Variants in PXDN observed in about 807,000 individuals in gnomAD.
The protein encoded by PXDN is peroxidasin homolog.
PXDN carries 77 observed loss-of-function variants against 140.3 expected under a neutral mutation model. The ratio of observed to expected loss-of-function variants is 0.55; its 90% CI spans 0.46 to 0.66. PXDN has a LOEUF of 0.66. PXDN is among the 30% of genes least tolerant of loss of function. The pLI is 0.00. For synonymous variants in PXDN, 911 were observed against 857.4 expected, an observed-to-expected ratio of 1.06 and a Z score of -1.09; for missense variants, 1,838 against 2,039.5, an observed-to-expected ratio of 0.90 and a Z score of 1.90.
rs193128665 is a variant in PXDN at position 1,634,056 on chromosome 2, C to T, written c.*148G>A. 302 of 1,288,428 alleles carry T rather than the reference C, an allele frequency of 2.3e-4. 1 individual carries two copies. The African/African-American group carries it at 3.9e-3, about 17-fold the overall frequency. The allele number at this position is 1,288,428 out of a possible 1,614,324, so 79.8% of individuals were successfully genotyped here. On this transcript the variant is annotated 3_prime_UTR_variant, in exon 23 of 23. Transcript: ENST00000252804. ...ATGCTCTGGTTGGAAGCCTCCTGCA[C>T]TGCCTTCTGTAACAGCACCAGCTGG...
chr2:1,696,117 TA>T (rs1480212950), intron 1 of PXDN, among the ~76,000 whole-genome samples: 1 of 152,212 alleles, frequency 6.6e-6, no homozygotes, highest in Non-Finnish European at 1.5e-5. Flanking sequence ...AGAACATAAA[TA>T]TATCTTCGAT....
chr2:1,708,777 G>A (rs571853248), intron 1 of PXDN, among the ~76,000 whole-genome samples: 13 of 152,184 alleles, frequency 8.5e-5, no homozygotes, highest in Admixed American at 3.3e-4. Context: ...TTATGGTATC[G>A]ATTTGGATCA....
intron 1 of PXDN, among the ~76,000 whole-genome samples, chr2:1,708,575 CAG>C (rs1024590177): frequency 2.0e-5 from 3 of 152,246 alleles, no homozygotes; most frequent in African/African-American, 7.2e-5. Context: ...CCCACGATGG[CAG>C]AGGAAGGGGA....
At chr2:1,738,203 A>T (rs1685461495) in intron 1 of PXDN, among the ~76,000 whole-genome samples, 1 of 152,242 alleles carries the variant, frequency 6.6e-6, no homozygotes, top group South Asian at 2.1e-4. Context: ...GAACCCCAAA[A>T]GCATATGGAA....
intron 1 of PXDN, among the ~76,000 whole-genome samples, chr2:1,707,788 C>G (rs1184119470): frequency 6.6e-6 from 1 of 151,916 alleles, no homozygotes; most frequent in Non-Finnish European, 1.5e-5. Flanking sequence ...CCGAAAGCGA[C>G]GATCTGCAGA....
chr2:1,635,162 G>A (rs1682515672), intron 22 of PXDN, among the ~76,000 whole-genome samples: 1 of 150,132 alleles, frequency 6.7e-6, no homozygotes, highest in African/African-American at 2.4e-5. Context: ...CCTGCACAGA[G>A]TAGGGGCTGC....
Position 1,648,869 on chromosome 2 carries a change from A to G in PXDN, c.2911T>C (p.Phe971Leu). 6.2e-7 allele frequency: 1 copy of G among 1,602,184 alleles called. No homozygotes were observed. The highest frequency in any genetic ancestry group is 8.5e-7 in the Non-Finnish European group (1 of 1,177,328). ...TTGGCGCGGTGGTCCCCGGCCAGGA[A>G]GCAGGGGATGGGGCTCTCGTTCTCG... is the stretch of plus-strand genomic sequence containing the variant. ...RDENESPIPC[F>L]LAGDHRANEQ... The change falls in exon 17 of 23, where the codon TTC becomes CTC. Residue 971 changes from phenylalanine (F) to leucine (L), a missense_variant. Physicochemically the swap from Phe to Leu is conservative, Grantham distance 22. Coordinates refer to ENST00000252804, the MANE Select transcript of PXDN (RefSeq NM_012293.3). The surrounding 1 kb of genome is among the most constrained non-coding windows in gnomAD (Gnocchi z 8.9).
chr2:1,635,300 C>A (rs542994449), intron 22 of PXDN, 108 bp downstream of exon 22: 7 of 891,478 alleles, frequency 7.9e-6, no homozygotes, highest in South Asian at 1.4e-5. Context: ...CACAGGTAGG[C>A]GGGGAGGGGC....
At chr2:1,705,907 T>C (rs1275379133) in intron 1 of PXDN, among the ~76,000 whole-genome samples, 1 of 152,114 alleles carries the variant, frequency 6.6e-6, no homozygotes, top group African/African-American at 2.4e-5. Flanking sequence ...GTTTCCCGCG[T>C]GGAGTGTGGG....
intron 1 of PXDN, among the ~76,000 whole-genome samples, chr2:1,727,365 C>T (rs1240805824): frequency 2.0e-5 from 3 of 152,224 alleles, no homozygotes; most frequent in Non-Finnish European, 2.9e-5. Flanking sequence ...CAAGCCGTAA[C>T]GTAATAAGTA....
chr2:1,737,968 A>C (rs953842557), intron 1 of PXDN, among the ~76,000 whole-genome samples: 1 of 152,340 alleles, frequency 6.6e-6, no homozygotes. Flanking sequence ...CCACCCACTA[A>C]CATATGTGTG....
intron 1 of PXDN, among the ~76,000 whole-genome samples, chr2:1,697,739 G>A (rs1684331504): frequency 6.6e-6 from 1 of 152,202 alleles, no homozygotes; most frequent in Non-Finnish European, 1.5e-5. Context: ...CCAGGGGGCT[G>A]AGGGTACTGG....
Position 1,649,142 on chromosome 2 carries a change from G to A in PXDN, c.2638C>T (p.Arg880Cys), listed in dbSNP as rs587777572. The change falls in exon 17 of 23, where the codon CGC becomes TGC. Residue 880 changes from arginine to cysteine, a missense_variant. This residue lies in a region of PXDN where 850 missense variants were observed against 894.1 expected (regional missense o/e 0.95). Coordinates refer to ENST00000252804, the MANE Select transcript of PXDN (RefSeq NM_012293.3). This position sits in a 1 kb window ranked among gnomAD's most constrained non-coding sequence, Gnocchi z 7.1. ...RSGARCMFFV[R>C]SSPVCGSGMT... ...CCGCTGCCGCACACAGGGCTGGAGC[G>A]CACGAAGAACATGCAGCGGGCCCCG... 3 of 1,611,844 alleles carry A rather than the reference G, an allele frequency of 1.9e-6. No homozygotes were observed. Among genetic ancestry groups the A allele is most frequent in the East Asian group, 2.2e-5 (1 of 44,730 alleles).
Position 1,644,691 on chromosome 2 carries a change from G to C in PXDN, c.3670C>G (p.Pro1224Ala). Residue 1224 changes from proline to alanine, a missense_variant, in exon 18 of 23, where the codon CCT becomes GCT. Physicochemically the swap from Pro to Ala is conservative, Grantham distance 27 (BLOSUM62 -1). Around this residue, in one of 5 missense-constraint regions of PXDN, gnomAD observed 850 missense variants for 894.1 expected, o/e 0.95. Transcript: ENST00000252804. Reference sequence around the variant, plus strand: ...AGGGTGGGGCCCAGCCGGCTGCCAGGCACCAGGTCCTCCACCACGAGCGCC... The same window carrying C: ...AGGGTGGGGCCCAGCCGGCTGCCAGCCACCAGGTCCTCCACCACGAGCGCC... ...FPALVVEDLVPGSRLGPTLMC... is the reference protein window; with the variant it reads ...FPALVVEDLVAGSRLGPTLMC... 2 of 1,603,730 alleles carry C rather than the reference G, an allele frequency of 1.2e-6. No individual in the cohort carries two copies. Among genetic ancestry groups the C allele is most frequent in the South Asian group, 2.2e-5 (2 of 89,640 alleles).
In PXDN at chr2:1,683,341, G is replaced by A. The variant is rs527865985; in HGVS notation, c.560+315C>T. 1.4e-4 allele frequency among the ~76,000 whole-genome samples: 21 copies of A among 152,198 alleles called. No individual in the cohort carries two copies. In the South Asian group the frequency reaches 3.5e-3, roughly 26 times the overall value. ...CTCTTTGGGAGAATTGCTTGAGCCC[G>A]GGAGGTTGAGGCTGCAGTGAGCTGT... On this transcript the variant is annotated intron_variant, in intron 6 of 22. Transcript: ENST00000252804.
rs1682893019 is a variant in PXDN at position 1,648,051 on chromosome 2, A to C, written c.3608+121T>G. On this transcript the variant is annotated intron_variant, in intron 17 of 22. Transcript: ENST00000252804. The surrounding 1 kb of genome is among the most constrained non-coding windows in gnomAD (Gnocchi z 8.9). Reference sequence around the variant, plus strand: ...CTTGACCTTCATGGACTTGACCTTCATCTCACCTCTGCACGACACGAACAA... The same window carrying C: ...CTTGACCTTCATGGACTTGACCTTCCTCTCACCTCTGCACGACACGAACAA... 2 of 1,357,424 alleles carry C rather than the reference A, an allele frequency of 1.5e-6. No individual in the cohort carries two copies. Among genetic ancestry groups the C allele is most frequent in the Admixed American group, 2.1e-5 (1 of 47,130 alleles). 84.1% of individuals were successfully genotyped at this position (1,357,424 alleles called of 1,614,324 possible).
rs111436347 is a variant in PXDN, at chr2:1,674,402, C to A, written c.849-590G>T. Among the ~76,000 whole-genome samples, 857 of 152,272 alleles carry A rather than the reference C, an allele frequency of 5.6e-3. 5 individuals carry two copies. The highest frequency in any genetic ancestry group is 0.019 in the African/African-American group (791 of 41,560). The stretch of plus-strand genomic sequence containing the variant: ...TATTTTAACAAACAGTGCCTGCAAG[C>A]TGCTGGTTGGCCTCCCTCTGGGATC... On this transcript the variant is annotated intron_variant, in intron 8 of 22. Transcript: ENST00000252804.
chr2:1,738,247 G>A (rs763602192), intron 1 of PXDN, among the ~76,000 whole-genome samples: 4 of 151,972 alleles, frequency 2.6e-5, no homozygotes, highest in Admixed American at 6.6e-5. Context: ...AAACCTGGGC[G>A]TTGGGAAGTA....
intron 17 of PXDN, 88 bp from the exon 18 acceptor site, chr2:1,644,840 T>C: frequency 7.9e-7 from 1 of 1,265,778 alleles, no homozygotes; most frequent in Non-Finnish European, 1.0e-6. Context: ...TCTTTCTTTC[T>C]ATCACTATTT....
Sources: allele counts gnomAD v4.1 joint callset (sites outside exome capture counted in the v4.1 genomes callset), GRCh38; gene constraint gnomAD v4.1.1; regional missense constraint gnomAD v4.1.1; non-coding constraint Gnocchi (gnomAD v3.1); transcripts MANE v1.5; gene names NCBI Gene and HGNC (gene_info 2026-07-23, HGNC 2026-07-21).